The following NUDT9 variants were observed in gnomAD, a reference collection of about 807,000 sequenced individuals.
The protein encoded by NUDT9 is nudix hydrolase 9, also known as ADP-ribose pyrophosphatase.
Under a neutral mutation model 41.0 loss-of-function variants are expected in NUDT9, and 31 were observed. The observed-to-expected ratio is 0.76, with a 90% CI of 0.57 to 1.02. The LOEUF is 1.02. Among genes scored for constraint, NUDT9 ranks in the 50% least tolerant of loss-of-function variants. The pLI is 0.00. For synonymous variants in NUDT9, 146 were observed against 147.6 expected, an observed-to-expected ratio of 0.99 and a Z score of 0.08; for missense variants, 380 against 431.4, an observed-to-expected ratio of 0.88 and a Z score of 1.06.
intron 4 of NUDT9, among the ~76,000 whole-genome samples, chr4:87,444,796 C>T (rs773243445): frequency 6.6e-6 from 1 of 152,018 alleles, no homozygotes; most frequent in Non-Finnish European, 1.5e-5. Flanking sequence ...TTAACTTTGT[C>T]ATACAGATAA....
rs560860384 is a variant in NUDT9, at chr4:87,459,392, A to G, written c.*1371A>G. 2 of 152,320 alleles carry G rather than the reference A, an allele frequency of 1.3e-5. No individual in the cohort carries two copies. Among genetic ancestry groups the G allele is most frequent in the East Asian group, 1.9e-4 (1 of 5,192 alleles). 9.4% of individuals were successfully genotyped at this position (152,320 alleles called of 1,614,324 possible). On this transcript the variant is annotated 3_prime_UTR_variant, in exon 8 of 8. Coordinates refer to ENST00000302174, the MANE Select transcript of NUDT9 (RefSeq NM_024047.5). ...AAACCCTCATGACACAAGTTTACCTATGTAACAAACCTGCACATGTACCCC... is the reference window on the plus strand; with the variant it reads ...AAACCCTCATGACACAAGTTTACCTGTGTAACAAACCTGCACATGTACCCC...
chr4:87,438,822 A>G (rs901143555), intron 3 of NUDT9, among the ~76,000 whole-genome samples: 2 of 152,134 alleles, frequency 1.3e-5, no homozygotes, highest in Non-Finnish European at 2.9e-5. Flanking sequence ...AAAATTATCC[A>G]TTTTCCTTAA....
At chr4:87,423,638 T>C (rs1721258790) in intron 1 of NUDT9, among the ~76,000 whole-genome samples, 1 of 152,228 alleles carries the variant, frequency 6.6e-6, no homozygotes, top group African/African-American at 2.4e-5. Context: ...AGATGATAAT[T>C]AGAAAAATCT....
Position 87,441,843 on chromosome 4 carries a change from G to A in NUDT9, c.458G>A (p.Arg153Gln), listed in dbSNP as rs772177208. The change falls in exon 4 of 8, where the codon CGG becomes CAG. Residue 153 changes from arginine (R) to glutamine (Q), a missense_variant. Physicochemically the swap from Arg to Gln is conservative, Grantham distance 43. Transcript: ENST00000302174. The stretch of plus-strand genomic sequence containing the variant: ...TGTTTTTCCAGAAATCCTGCAGGAC[G>A]GACTGGACTGGTGGGCCGGGGGCTT... ...ENGRPRNPAG[R>Q]TGLVGRGLLG... The A allele has an allele frequency of 2.5e-6, 4 of 1,613,388 alleles. No homozygotes were observed. The highest frequency in any genetic ancestry group is 3.4e-6 in the Non-Finnish European group (4 of 1,179,676).
chr4:87,431,540 A>T (rs1163767053), intron 1 of NUDT9, among the ~76,000 whole-genome samples: 2 of 152,190 alleles, frequency 1.3e-5, no homozygotes, highest in African/African-American at 4.8e-5. Context: ...CAGTCAATGA[A>T]CATAGGATGT....
intron 5 of NUDT9, among the ~76,000 whole-genome samples, chr4:87,450,445 T>A (rs960528022): frequency 6.7e-6 from 1 of 148,246 alleles, no homozygotes; most frequent in African/African-American, 2.5e-5. Flanking sequence ...AATGGCATGA[T>A]CTCAGCTTAC....
chr4:87,446,355 C>T (rs181712551), intron 4 of NUDT9, among the ~76,000 whole-genome samples: 306 of 150,972 alleles, frequency 2.0e-3, no homozygotes, highest in African/African-American at 6.9e-3. Flanking sequence ...CCTGCTTCAG[C>T]CTCCCAAGTA....
rs1256686330 is a variant in NUDT9, at chr4:87,434,972, C to T, written c.108-9C>T. On this transcript the variant is annotated splice_polypyrimidine_tract_variant and intron_variant, in intron 1 of 7. Coordinates refer to ENST00000302174, the MANE Select transcript of NUDT9 (RefSeq NM_024047.5). ...ATTTATGTAAAATGTTTTTCTTTTTCTCCCCCAGAAACTCGTTTTCATCTT... is the reference window on the plus strand; with the variant it reads ...ATTTATGTAAAATGTTTTTCTTTTTTTCCCCCAGAAACTCGTTTTCATCTT... The T allele has an allele frequency of 1.9e-6, 3 of 1,592,140 alleles. No homozygotes were observed. The highest frequency in any genetic ancestry group is 2.7e-5 in the African/African-American group (2 of 73,470).
Position 87,451,655 on chromosome 4 carries a change from A to C in NUDT9, c.709A>C (p.Asn237His), listed in dbSNP as rs758917411. 7.4e-6 allele frequency: 12 copies of C among 1,613,772 alleles called. No individual in the cohort carries two copies. The South Asian group carries it at 1.2e-4, about 16-fold the overall frequency. ...AAGAGAATTTGGTGAGGAAGCTCTC[A>C]ACTCCTTACAGAAAACCAGTGCTGA... ...LKREFGEEALNSLQKTSAEKR... is the reference protein window; with the variant it reads ...LKREFGEEALHSLQKTSAEKR... The change falls in exon 6 of 8, where the codon AAC (asparagine) becomes CAC (histidine). Residue 237 changes from asparagine (N) to histidine (H), a missense_variant. Coordinates refer to ENST00000302174, the MANE Select transcript of NUDT9 (RefSeq NM_024047.5).
At chr4:87,426,244 G>C (rs1313845792) in intron 1 of NUDT9, among the ~76,000 whole-genome samples, 1 of 149,570 alleles carries the variant, frequency 6.7e-6, no homozygotes, top group Non-Finnish European at 1.5e-5. Context: ...TTATTCCTGT[G>C]AATGCATAAA....
chr4:87,452,037 C>T (rs984045918), intron 6 of NUDT9, among the ~76,000 whole-genome samples: 4 of 151,638 alleles, frequency 2.6e-5, no homozygotes, highest in African/African-American at 9.7e-5. Flanking sequence ...GAGTCTCGCT[C>T]TGTCACCCAG....
At position 87,422,900 on chromosome 4, in the gene NUDT9, G is replaced by GCGCT; in HGVS notation, c.-4_-1dup. On this transcript the variant is annotated 5_prime_UTR_variant, in exon 1 of 8. Transcript: ENST00000302174. ...CTAGCATCGCAAAGCCGCCCTCGGGGCGCTCATGGCGGGACGCCTCCTGGG... is the reference window on the plus strand; with the variant it reads ...CTAGCATCGCAAAGCCGCCCTCGGGGCGCTCGCTCATGGCGGGACGCCTCCTGGG... 1 of 1,607,916 alleles carries GCGCT rather than the reference G, an allele frequency of 6.2e-7. No homozygotes were observed. Among genetic ancestry groups the GCGCT allele is most frequent in the African/African-American group, 1.3e-5 (1 of 74,940 alleles).
In NUDT9 at chr4:87,451,696, G is replaced by A. The variant is rs746060114; in HGVS notation, c.750G>A (p.Glu250=). Residue 250 remains glutamate (E), a synonymous_variant, in exon 6 of 8, where the codon GAG becomes GAA. Coordinates refer to ENST00000302174, the MANE Select transcript of NUDT9 (RefSeq NM_024047.5). The part of the protein sequence containing the change: ...QKTSAEKREI[E]EKLHKLFSQD... ...CCAGTGCTGAGAAGAGAGAAATAGA[G>A]GAAAAGTTGCACAAACTCTTCAGCC... 5.0e-6 allele frequency: 8 copies of A among 1,613,782 alleles called. No individual in the cohort carries two copies. The South Asian group carries it at 7.7e-5, about 16-fold the overall frequency.
intron 4 of NUDT9, among the ~76,000 whole-genome samples, chr4:87,447,349 T>C (rs972928177): frequency 5.9e-5 from 9 of 152,312 alleles, no homozygotes; most frequent in South Asian, 4.1e-4. Context: ...GAACTAGATA[T>C]GGTAGATATG....
rs1439222219 is a variant in NUDT9, at chr4:87,454,388, T to C, written c.807T>C (p.Val269=). Reference sequence around the variant, plus strand: ...GAAAATAGATATATAAGGGATATGTTGATGATCCTCGAAACACTGATAATG... The same window carrying C: ...GAAAATAGATATATAAGGGATATGTCGATGATCCTCGAAACACTGATAATG... ...QDHLVIYKGY[V]DDPRNTDNAW... is the part of the protein sequence containing the mutation. Residue 269 remains valine (V), a synonymous_variant, in exon 7 of 8, where the codon GTT becomes GTC. Coordinates refer to ENST00000302174, the MANE Select transcript of NUDT9 (RefSeq NM_024047.5). 4 of 1,610,494 alleles carry C rather than the reference T, an allele frequency of 2.5e-6. No homozygotes were observed. In the South Asian group the frequency reaches 3.3e-5, roughly 13 times the overall value.
Position 87,435,122 on chromosome 4 carries a change from G to A in NUDT9, c.249G>A (p.Glu83=). 6.2e-7 allele frequency: 1 copy of A among 1,614,208 alleles called. No individual in the cohort carries two copies. The change falls in exon 2 of 8, where the codon GAG becomes GAA. Residue 83 remains glutamate, a synonymous_variant. Transcript: ENST00000302174. ...SKVERSQVPN[E]KVGWLVEWQD... ...TTGAACGAAGCCAGGTTCCTAATGA[G>A]AAAGTGGGCTGGCTTGTTGAGTGGC...
At chr4:87,454,258 T>A in intron 6 of NUDT9, 113 bp from the exon 7 acceptor site, 1 of 646,842 alleles carries the variant, frequency 1.5e-6, no homozygotes, top group Non-Finnish European at 2.8e-6. Context: ...TTAAGTATGT[T>A]CATGTTGTTG....
chr4:87,451,612 G>A lies in NUDT9; in HGVS notation c.666G>A (p.Lys222=). The A allele has an allele frequency of 2.5e-6, 4 of 1,613,900 alleles. No individual in the cohort carries two copies. Among genetic ancestry groups the A allele is most frequent in the Non-Finnish European group, 3.4e-6 (4 of 1,179,906 alleles). ...IPGGMVDPGE[K]ISATLKREFG... ...AGGGGATGGTGGATCCAGGAGAGAA[G>A]ATTAGTGCCACACTGAAAAGAGAAT... The change falls in exon 6 of 8, where the codon AAG becomes AAA. Residue 222 remains lysine (K), a synonymous_variant. Coordinates refer to ENST00000302174, the MANE Select transcript of NUDT9 (RefSeq NM_024047.5).
chr4:87,454,839 A>C (rs1044339607), intron 7 of NUDT9, among the ~76,000 whole-genome samples: 1 of 152,188 alleles, frequency 6.6e-6, no homozygotes, highest in Non-Finnish European at 1.5e-5. Context: ...ATATCTTACT[A>C]TTTCAAATAT....
Sources: allele counts gnomAD v4.1 joint callset (sites outside exome capture counted in the v4.1 genomes callset), GRCh38; gene constraint gnomAD v4.1.1; transcripts MANE v1.5; gene names NCBI Gene and HGNC (gene_info 2026-07-23, HGNC 2026-07-21).